The following MAGI1 variants were observed in gnomAD, a reference collection of about 807,000 sequenced individuals.
MAGI1 encodes the protein membrane associated guanylate kinase, WW and PDZ domain containing 1.
A neutral mutation model predicts 139.9 loss-of-function variants in MAGI1; 58 were observed. The ratio of observed to expected loss-of-function variants is 0.41; its 90% CI spans 0.34 to 0.52. The LOEUF (loss-of-function observed/expected upper bound fraction) is 0.52. Ranked by LOEUF, MAGI1 falls within the 20% of genes least tolerant of loss-of-function variation. MAGI1 has a pLI of 0.12. For synonymous variants in MAGI1, 812 were observed against 737.9 expected (o/e 1.10, Z -1.63); for missense variants, 1,874 against 1,901.6 (o/e 0.99, Z 0.27).
chr3:65,781,380 T>G (rs971699203), intron 1 of MAGI1, among the ~76,000 whole-genome samples: 3 of 152,156 alleles, frequency 2.0e-5, no homozygotes, highest in Admixed American at 6.5e-5. Flanking sequence ...GAACATTTGA[T>G]TGTTTCATCT....
intron 1 of MAGI1, among the ~76,000 whole-genome samples, chr3:65,977,084 A>C (rs2065300985): frequency 6.6e-6 from 1 of 152,206 alleles, no homozygotes; most frequent in African/African-American, 2.4e-5. Context: ...TGGGCTTTTT[A>C]GTGATGCTCA....
intron 10 of MAGI1, among the ~76,000 whole-genome samples, chr3:65,433,851 C>A (rs1375260718): frequency 1.3e-5 from 2 of 152,188 alleles, no homozygotes; most frequent in East Asian, 3.9e-4. Flanking sequence ...TAGACCAGTA[C>A]CGTCTAATGG....
chr3:65,999,874 C>G (rs552693204), intron 1 of MAGI1, among the ~76,000 whole-genome samples: 13 of 151,838 alleles, frequency 8.6e-5, no homozygotes, highest in Non-Finnish European at 1.3e-4. Flanking sequence ...GTTAACCTTA[C>G]TCTACCTAAA....
chr3:65,549,374 C>A, intron 2 of MAGI1: 2 of 970,490 alleles, frequency 2.1e-6, no homozygotes, highest in Non-Finnish European at 2.5e-6. Flanking sequence ...CCTCTTCCTG[C>A]TGTCACTTCC....
intron 1 of MAGI1, among the ~76,000 whole-genome samples, chr3:65,723,112 A>G (rs867208387): frequency 1.1e-4 from 16 of 152,166 alleles, no homozygotes; most frequent in Middle Eastern, 3.2e-3. Context: ...GGAAGGCGCA[A>G]TGGAGAACCT....
chr3:65,485,031 C>T (rs568529245), intron 3 of MAGI1, among the ~76,000 whole-genome samples: 22 of 152,312 alleles, frequency 1.4e-4, no homozygotes, highest in African/African-American at 5.3e-4. Context: ...TAATTCACTG[C>T]AGAATGAGTA....
intron 1 of MAGI1, among the ~76,000 whole-genome samples, chr3:65,821,188 T>G (rs1419674617): frequency 6.6e-6 from 1 of 152,124 alleles, no homozygotes; most frequent in South Asian, 2.1e-4. Context: ...CACAGGATTG[T>G]AGAACTCAAG....
At chr3:65,592,938 G>A (rs754278985) in intron 2 of MAGI1, among the ~76,000 whole-genome samples, 15 of 152,138 alleles carry the variant, frequency 9.9e-5, no homozygotes, top group Non-Finnish European at 1.5e-4. Flanking sequence ...AGCTACAGGA[G>A]GGCAGGGGGT....
intron 1 of MAGI1, among the ~76,000 whole-genome samples, chr3:65,669,521 C>T (rs893599438): frequency 6.6e-6 from 1 of 152,164 alleles, no homozygotes; most frequent in Non-Finnish European, 1.5e-5. Context: ...TTGAAGAGTC[C>T]AAATAACTGT....
chr3:65,398,823 A>G (rs1227776727), intron 13 of MAGI1, among the ~76,000 whole-genome samples: 5 of 152,212 alleles, frequency 3.3e-5, no homozygotes, highest in African/African-American at 1.2e-4. Context: ...TTATTAAGAT[A>G]CTGCCATTGT....
intron 2 of MAGI1, among the ~76,000 whole-genome samples, chr3:65,530,729 G>GTATA (rs1387283214): frequency 2.1e-5 from 2 of 95,626 alleles, no homozygotes; most frequent in African/African-American, 4.8e-5. Flanking sequence ...ATATACACAC[G>GTATA]TATATATATA....
intron 1 of MAGI1, among the ~76,000 whole-genome samples, chr3:65,631,509 T>A (rs1191458776): frequency 6.6e-6 from 1 of 152,202 alleles, no homozygotes; most frequent in East Asian, 1.9e-4. Context: ...TCTACTTTGA[T>A]TATCCTCCTT....
intron 2 of MAGI1, among the ~76,000 whole-genome samples, chr3:65,587,005 A>C (rs2081714730): frequency 6.6e-6 from 1 of 152,176 alleles, no homozygotes; most frequent in African/African-American, 2.4e-5. Context: ...AGGCACTGTA[A>C]GAACAACCTG....
At chr3:65,826,085 G>A (rs1411403329) in intron 1 of MAGI1, among the ~76,000 whole-genome samples, 1 of 151,162 alleles carries the variant, frequency 6.6e-6, no homozygotes, top group Admixed American at 6.6e-5. Flanking sequence ...GTGTAGATGT[G>A]TATGTGCACA....
chr3:65,559,076 A>G (rs2080217460), intron 2 of MAGI1, among the ~76,000 whole-genome samples: 1 of 152,224 alleles, frequency 6.6e-6, no homozygotes, highest in Non-Finnish European at 1.5e-5. Context: ...AAAGTCTTAC[A>G]ACAACAAAGA....
intron 1 of MAGI1, among the ~76,000 whole-genome samples, chr3:65,913,580 G>T (rs2108684921): frequency 6.6e-6 from 1 of 152,250 alleles, no homozygotes; most frequent in East Asian, 1.9e-4. Context: ...ACTAATTTGG[G>T]AAATGCTGCA....
chr3:65,581,843 A>C (rs1335485621), intron 2 of MAGI1, among the ~76,000 whole-genome samples: 1 of 151,964 alleles, frequency 6.6e-6, no homozygotes, highest in Non-Finnish European at 1.5e-5. Context: ...TCCCTTACTG[A>C]CCTCCAGCTA....
intron 1 of MAGI1, among the ~76,000 whole-genome samples, chr3:65,849,141 A>C (rs2059116172): frequency 6.8e-6 from 1 of 147,578 alleles, no homozygotes; most frequent in Admixed American, 6.9e-5. Context: ...CTCCTGCCTC[A>C]GCCTCCCGAG....
intron 8 of MAGI1, 55 bp downstream of exon 8, chr3:65,442,737 G>A (rs1244322134): frequency 7.6e-6 from 10 of 1,316,124 alleles, no homozygotes; most frequent in Non-Finnish European, 1.1e-5. Context: ...TAACACAAAT[G>A]TACATAATTA....
Sources: gnomAD v4.1 joint callset for allele counts (sites outside exome capture counted in the v4.1 genomes callset) on GRCh38, gnomAD v4.1.1 for gene constraint, MANE v1.5 for transcripts, NCBI Gene and HGNC (gene_info 2026-07-23, HGNC 2026-07-21) for gene names.